Variants in NAV2 observed in about 807,000 individuals in gnomAD.
NAV2 encodes the protein helicase, APC down-regulated 1.
A neutral mutation model predicts 223.2 loss-of-function variants in NAV2; 54 were observed. That is an observed-to-expected ratio of 0.24 (90% CI 0.19 to 0.30). The LOEUF is 0.30. Ranked by LOEUF, NAV2 falls within the 10% of genes least tolerant of loss-of-function variation. The pLI, the probability that NAV2 is intolerant of heterozygous loss-of-function variation, is 1.00. For missense variants in NAV2, 2,806 were observed against 3,147.5 expected (o/e 0.89, Z 2.60); for synonymous variants, 1,279 against 1,239.3 (o/e 1.03, Z -0.67).
intron 1 of NAV2, among the ~76,000 whole-genome samples, chr11:19,382,221 G>T (rs1848866313): frequency 6.6e-6 from 1 of 152,226 alleles, no homozygotes; most frequent in Non-Finnish European, 1.5e-5. Context: ...ATAATGTGCT[G>T]CAACACCATG....
upstream of NAV2, chr11:19,712,609 G>T (rs1205610151): frequency 6.6e-6 from 1 of 152,164 alleles, no homozygotes; most frequent in Non-Finnish European, 1.5e-5. Flanking sequence ...ACGCAGGGGT[G>T]TGGGCCCCCC....
intron 1 of NAV2, among the ~76,000 whole-genome samples, chr11:19,818,074 C>A (rs1451644107): frequency 2.0e-5 from 3 of 151,906 alleles, no homozygotes; most frequent in Non-Finnish European, 4.4e-5. Flanking sequence ...TTTTTTCATG[C>A]AAAGCATTTT....
chr11:19,702,000 A>G (rs2049523352), intron 1 of NAV2, among the ~76,000 whole-genome samples: 1 of 152,122 alleles, frequency 6.6e-6, no homozygotes, highest in Non-Finnish European at 1.5e-5. Context: ...TCCCTTTTAC[A>G]TGTGCCCTGC....
intron 1 of NAV2, among the ~76,000 whole-genome samples, chr11:19,462,396 G>C (rs934487747): frequency 5.3e-5 from 8 of 152,204 alleles, no homozygotes; most frequent in East Asian, 1.9e-4. Context: ...CTGAGATTCA[G>C]AGAGAGAATG....
chr11:20,093,082 A>G lies in NAV2; in HGVS notation c.5816-17A>G, dbSNP rs1373431580. The G allele has an allele frequency of 6.3e-7, 1 of 1,599,624 alleles. No individual in the cohort carries two copies. ...TGTCCCCATGTGCCTAAGGCTGTTG[A>G]TGTTTTCCATTCGCAGACATGTTGC... On this transcript the variant is annotated splice_polypyrimidine_tract_variant and intron_variant, in intron 28 of 37. Transcript: ENST00000349880.
chr11:20,115,005 A>G (rs1208668141), intron 37 of NAV2, among the ~76,000 whole-genome samples: 1 of 152,150 alleles, frequency 6.6e-6, no homozygotes, highest in Non-Finnish European at 1.5e-5. Flanking sequence ...TTTTTCTGGT[A>G]TTAGATAACA....
At chr11:19,940,771 C>A (rs1301316918) in intron 8 of NAV2, among the ~76,000 whole-genome samples, 1 of 152,180 alleles carries the variant, frequency 6.6e-6, no homozygotes, top group Non-Finnish European at 1.5e-5. Context: ...GGTTCCACTG[C>A]CTGGGCACGG....
intron 11 of NAV2, among the ~76,000 whole-genome samples, chr11:20,001,710 TG>T (rs2052569511): frequency 3.5e-5 from 1 of 28,424 alleles, no homozygotes; most frequent in Non-Finnish European, 6.6e-5. Context: ...TGTTGTGGGG[TG>T]GGGGGAGGGG....
chr11:19,618,583 C>G (rs1590695732), intron 1 of NAV2, among the ~76,000 whole-genome samples: 1 of 152,038 alleles, frequency 6.6e-6, no homozygotes, highest in Non-Finnish European at 1.5e-5. Flanking sequence ...TCAGGAGAAG[C>G]AATGGGAACA....
chr11:19,654,824 G>C (rs1213287844), intron 1 of NAV2, among the ~76,000 whole-genome samples: 1 of 152,196 alleles, frequency 6.6e-6, no homozygotes, highest in Non-Finnish European at 1.5e-5. Context: ...TCAGGACATA[G>C]GCATGGGCAA....
intron 6 of NAV2, among the ~76,000 whole-genome samples, chr11:19,919,656 C>T (rs759628042): frequency 4.6e-5 from 7 of 152,322 alleles, no homozygotes; most frequent in South Asian, 2.1e-4. Flanking sequence ...AAGAGAATAA[C>T]GCCACCAAAA....
rs187008580 is a variant in NAV2 at position 19,354,994 on chromosome 11, G to T, written c.75+3967G>T. On this transcript the variant is annotated intron_variant, in intron 1 of 37. Coordinates refer to the NAV2 transcript ENST00000360655. ...AACTCTTGTCAGATTCAAATTCTGT[G>T]CTGAAGTGAGGAAAAAGCCGGGGAG... is the stretch of plus-strand genomic sequence containing the variant. Among the ~76,000 whole-genome samples the T allele has an allele frequency of 1.4e-3, 207 of 152,316 alleles. 1 individual carries two copies. Among genetic ancestry groups the T allele is most frequent in the African/African-American group, 4.7e-3 (194 of 41,554 alleles).
rs577417804 is a variant in NAV2, at chr11:19,948,751, C to T, written c.2316C>T (p.Leu772=). Residue 772 remains leucine, a synonymous_variant, in exon 10 of 38, where the codon CTC becomes CTT. Coordinates refer to ENST00000349880, the MANE Select transcript of NAV2 (RefSeq NM_145117.5). ...CGGAGATGAGTGGCCGTAGCATACT[C>T]AGCTTGACAGGGAGGCCCACACCTC... ...VTTEMSGRSI[L]SLTGRPTPLS... 1.2e-6 allele frequency: 2 copies of T among 1,611,404 alleles called. No homozygotes were observed. The highest frequency in any genetic ancestry group is 1.3e-5 in the African/African-American group (1 of 74,924).
Position 19,768,875 on chromosome 11 carries a change from G to A in NAV2, c.267+54913G>A, listed in dbSNP as rs755975705. ...GTGATTTATATAAAGCACTTAGATA[G>A]TGCCTAGGACTTTTGCTAATAATAA... On this transcript the variant is annotated intron_variant, in intron 1 of 37. Transcript: ENST00000349880. 3.3e-5 allele frequency among the ~76,000 whole-genome samples: 5 copies of A among 152,332 alleles called. No individual in the cohort carries two copies. The South Asian group carries it at 8.3e-4, about 25-fold the overall frequency.
chr11:19,488,020 A>G (rs1028672440), intron 1 of NAV2, among the ~76,000 whole-genome samples: 1 of 152,212 alleles, frequency 6.6e-6, no homozygotes, highest in African/African-American at 2.4e-5. Context: ...GTAAAAAGCC[A>G]GAGACATCCT....
At chr11:19,395,389 G>A (rs542562218) in intron 1 of NAV2, among the ~76,000 whole-genome samples, 4 of 152,222 alleles carry the variant, frequency 2.6e-5, no homozygotes, top group African/African-American at 4.8e-5. Context: ...TTGGGATGTA[G>A]AGAGGACTCT....
chr11:19,688,962 A>G (rs925530817), intron 1 of NAV2, among the ~76,000 whole-genome samples: 1 of 152,130 alleles, frequency 6.6e-6, no homozygotes, highest in African/African-American at 2.4e-5. Flanking sequence ...GAAAAACTAG[A>G]TTATTTTTTC....
At chr11:20,064,039 C>G (rs148293278) in intron 20 of NAV2, among the ~76,000 whole-genome samples, 101 of 152,332 alleles carry the variant, frequency 6.6e-4, no homozygotes, top group African/African-American at 2.4e-3. Context: ...AGCTAGTCAT[C>G]TTGTTTGAAA....
At chr11:19,623,567 A>G (rs956579903) in intron 1 of NAV2, among the ~76,000 whole-genome samples, 13 of 152,162 alleles carry the variant, frequency 8.5e-5, no homozygotes, top group Non-Finnish European at 1.8e-4. Context: ...CCGCTACTGA[A>G]GCTTGTGCAT....
Sources: gnomAD v4.1 joint callset for allele counts (sites outside exome capture counted in the v4.1 genomes callset) on GRCh38, gnomAD v4.1.1 for gene constraint, MANE v1.5 for transcripts, NCBI Gene and HGNC (gene_info 2026-07-23, HGNC 2026-07-21) for gene names.